The following ROBO2 variants were observed in gnomAD, a reference collection of about 807,000 sequenced individuals.
ROBO2 encodes the protein roundabout homolog 2.
A neutral mutation model predicts 160.8 loss-of-function variants in ROBO2; 53 were observed. That is an observed-to-expected ratio of 0.33 (90% CI 0.26 to 0.41). The LOEUF (loss-of-function observed/expected upper bound fraction) is 0.41, where lower values mean the gene tolerates loss of function less well. ROBO2 is among the 10% of genes least tolerant of loss of function. The pLI is 1.00. For synonymous variants in ROBO2, 664 were observed against 611.7 expected (o/e 1.09, Z -1.26); for missense variants, 1,577 against 1,722.4 (o/e 0.92, Z 1.49).
chr3:77,093,522 AC>A (rs1183795861), intron 1 of ROBO2, among the ~76,000 whole-genome samples: 1 of 152,008 alleles, frequency 6.6e-6, no homozygotes, highest in Non-Finnish European at 1.5e-5. Context: ...TGAAAGCTAC[AC>A]CCCCAACCCC....
intron 2 of ROBO2, among the ~76,000 whole-genome samples, chr3:76,883,953 A>C (rs2073623016): frequency 6.6e-6 from 1 of 152,158 alleles, no homozygotes; most frequent in Non-Finnish European, 1.5e-5. Context: ...GTTTACAATG[A>C]CCATTTATAT....
At chr3:77,346,479 C>T (rs1415893102) in intron 2 of ROBO2, among the ~76,000 whole-genome samples, 1 of 152,102 alleles carries the variant, frequency 6.6e-6, no homozygotes, top group Non-Finnish European at 1.5e-5. Context: ...AGTAAACTAT[C>T]ACTGTGTAAC....
chr3:76,364,130 A>C (rs2108417699), intron 2 of ROBO2, among the ~76,000 whole-genome samples: 1 of 152,138 alleles, frequency 6.6e-6, no homozygotes. Flanking sequence ...TTCATGCCTG[A>C]AGACTTGTCT....
chr3:76,312,696 T>C (rs1371288888), intron 2 of ROBO2, among the ~76,000 whole-genome samples: 1 of 152,204 alleles, frequency 6.6e-6, no homozygotes, highest in Admixed American at 6.5e-5. Flanking sequence ...GATTTAGCGA[T>C]GTATGGTGTT....
chr3:77,186,113 C>T (rs2081264491), intron 2 of ROBO2, among the ~76,000 whole-genome samples: 1 of 151,858 alleles, frequency 6.6e-6, no homozygotes, highest in Admixed American at 6.6e-5. Flanking sequence ...ACCCAAATCT[C>T]ACCATCACCG....
chr3:77,627,169 A>T (rs992840521), intron 23 of ROBO2, among the ~76,000 whole-genome samples: 4 of 152,212 alleles, frequency 2.6e-5, no homozygotes, highest in Non-Finnish European at 2.9e-5. Context: ...GTGGGATATT[A>T]CACGTGTAAT....
chr3:76,869,346 T>G (rs1559626895), intron 2 of ROBO2, among the ~76,000 whole-genome samples: 1 of 130,060 alleles, frequency 7.7e-6, no homozygotes, highest in Non-Finnish European at 1.6e-5. Flanking sequence ...ATTGATGTTT[T>G]TTTTTTTTTT....
At chr3:76,357,109 T>C (rs1250734293) in intron 2 of ROBO2, among the ~76,000 whole-genome samples, 1 of 151,840 alleles carries the variant, frequency 6.6e-6, no homozygotes. Context: ...TAAATAGTCA[T>C]GTGTTTGAAG....
intron 2 of ROBO2, among the ~76,000 whole-genome samples, chr3:77,298,139 C>T (rs1411690614): frequency 6.6e-6 from 1 of 152,064 alleles, no homozygotes; most frequent in Non-Finnish European, 1.5e-5. Context: ...CAAGGAAATT[C>T]TGAAGGTTGT....
chr3:76,230,535 G>A (rs1215525796), intron 2 of ROBO2, among the ~76,000 whole-genome samples: 1 of 151,924 alleles, frequency 6.6e-6, no homozygotes, highest in Non-Finnish European at 1.5e-5. Flanking sequence ...CTCCTCTTCT[G>A]CGTTCCTCGG....
intron 2 of ROBO2, among the ~76,000 whole-genome samples, chr3:76,239,057 C>T (rs1368620350): frequency 6.6e-6 from 1 of 152,162 alleles, no homozygotes; most frequent in Non-Finnish European, 1.5e-5. Context: ...CTGACTCCTT[C>T]CTGATATTTA....
intron 2 of ROBO2, among the ~76,000 whole-genome samples, chr3:76,693,058 AG>A (rs2092841094): frequency 6.9e-6 from 1 of 145,418 alleles, no homozygotes; most frequent in Admixed American, 6.9e-5. Flanking sequence ...CTATATATAT[AG>A]TGTGTATCTA....
intron 2 of ROBO2, among the ~76,000 whole-genome samples, chr3:76,224,794 A>G (rs938819275): frequency 9.9e-5 from 15 of 152,106 alleles, no homozygotes; most frequent in Admixed American, 4.6e-4. Flanking sequence ...ACACTTCTCA[A>G]TCATCAGTAC....
intron 16 of ROBO2, among the ~76,000 whole-genome samples, chr3:77,584,385 G>A (rs1413405777): frequency 1.3e-5 from 2 of 152,070 alleles, no homozygotes; most frequent in Non-Finnish European, 2.9e-5. Context: ...TTGCTTGCCA[G>A]TGCCTTTAAA....
intron 2 of ROBO2, among the ~76,000 whole-genome samples, chr3:76,237,735 A>T (rs543327247): frequency 6.6e-4 from 100 of 152,360 alleles, no homozygotes; most frequent in African/African-American, 2.1e-3. Flanking sequence ...AAATAGGAAA[A>T]AAATAAATAA....
chr3:76,793,853 T>C (rs1366299352), intron 2 of ROBO2, among the ~76,000 whole-genome samples: 3 of 151,954 alleles, frequency 2.0e-5, no homozygotes, highest in Non-Finnish European at 4.4e-5. Context: ...TTGCAAGTAA[T>C]ATGTAGTGTT....
At chr3:77,281,849 C>T (rs1454083924) in intron 2 of ROBO2, among the ~76,000 whole-genome samples, 2 of 152,076 alleles carry the variant, frequency 1.3e-5, no homozygotes. Flanking sequence ...TCCTCACATA[C>T]GCAGTTCACA....
intron 5 of ROBO2, among the ~76,000 whole-genome samples, chr3:77,503,199 C>G (rs757017559): frequency 3.3e-5 from 5 of 151,464 alleles, no homozygotes; most frequent in Non-Finnish European, 7.4e-5. Context: ...TATGTACCCA[C>G]AAAAAATTTT....
At chr3:76,232,367 G>A (rs962527843) in intron 2 of ROBO2, among the ~76,000 whole-genome samples, 7 of 152,088 alleles carry the variant, frequency 4.6e-5, no homozygotes, top group Non-Finnish European at 8.8e-5. Flanking sequence ...ATGGAGACAC[G>A]GTCAATACAG....
Sources: allele counts gnomAD v4.1 joint callset (sites outside exome capture counted in the v4.1 genomes callset), GRCh38; gene constraint gnomAD v4.1.1; transcripts MANE v1.5; gene names NCBI Gene and HGNC (gene_info 2026-07-23, HGNC 2026-07-21).